The following PEPD variants were observed in gnomAD, a reference collection of about 807,000 sequenced individuals.
The protein encoded by PEPD is peptidase D, also known as xaa-Pro dipeptidase.
A neutral mutation model predicts 60.7 loss-of-function variants in PEPD; 53 were observed. That is an observed-to-expected ratio of 0.87 (90% CI 0.70 to 1.10). The LOEUF is 1.10. PEPD is among the 50% of genes least tolerant of loss of function. The probability of loss-of-function intolerance (pLI) is 0.00; values close to 1 mark genes in which losing one functional copy is unlikely to be tolerated. For missense variants in PEPD, 711 were observed against 711.9 expected (o/e 1.00, Z 0.01); for synonymous variants, 267 against 284.1 (o/e 0.94, Z 0.60).
At chr19:33,458,863 CGTGTGTGTCAT>C (rs962094892) in intron 9 of PEPD, among the ~76,000 whole-genome samples, 4 of 24,820 alleles carry the variant, frequency 1.6e-4, no homozygotes, top group African/African-American at 3.2e-4. Flanking sequence ...TATGGTGTGG[CGTGTGTGTCAT>C]GTGTGTGGCA....
chr19:33,423,937 T>C (rs1435283691), intron 9 of PEPD, among the ~76,000 whole-genome samples: 4 of 152,250 alleles, frequency 2.6e-5, no homozygotes, highest in African/African-American at 9.6e-5. Context: ...ACTTAATCAA[T>C]GAACCTAGAA....
chr19:33,431,907 C>G (rs1322188715), intron 9 of PEPD, among the ~76,000 whole-genome samples: 1 of 147,632 alleles, frequency 6.8e-6, no homozygotes, highest in African/African-American at 2.5e-5. Flanking sequence ...GCAGGAGAAT[C>G]GCTTGAACCT....
intron 12 of PEPD, among the ~76,000 whole-genome samples, chr19:33,397,993 C>T (rs1482701079): frequency 6.6e-6 from 1 of 152,194 alleles, no homozygotes; most frequent in Non-Finnish European, 1.5e-5. Flanking sequence ...CAGGTCCTGC[C>T]CAGGCCGCAG....
chr19:33,510,998 C>T (rs1434876019), intron 3 of PEPD, 30 bp downstream of exon 3: 1 of 1,606,844 alleles, frequency 6.2e-7, no homozygotes, highest in South Asian at 1.1e-5. Context: ...TGGTTGGTAG[C>T]CATGGTGCCC....
intron 3 of PEPD, among the ~76,000 whole-genome samples, chr19:33,503,270 TA>T (rs1163368185): frequency 2.0e-5 from 3 of 152,232 alleles, no homozygotes; most frequent in Non-Finnish European, 1.5e-5. Flanking sequence ...GGTCTCACCG[TA>T]ATCAATGGAC....
At chr19:33,471,967 G>C (rs1289979107) in intron 7 of PEPD, among the ~76,000 whole-genome samples, 1 of 152,132 alleles carries the variant, frequency 6.6e-6, no homozygotes, top group Non-Finnish European at 1.5e-5. Flanking sequence ...TTCAAGACCA[G>C]CCTGACCAAC....
chr19:33,470,260 G>A (rs1970098502), intron 7 of PEPD, among the ~76,000 whole-genome samples: 1 of 152,080 alleles, frequency 6.6e-6, no homozygotes, highest in South Asian at 2.1e-4. Context: ...TAGCAGCTGG[G>A]GATCTTTAGG....
chr19:33,506,960 C>T (rs1246205961), intron 3 of PEPD, among the ~76,000 whole-genome samples: 1 of 150,620 alleles, frequency 6.6e-6, no homozygotes, highest in Non-Finnish European at 1.5e-5. Context: ...TCACACACCC[C>T]CAACATATGT....
chr19:33,417,160 G>A (rs1212513165), intron 9 of PEPD, among the ~76,000 whole-genome samples: 1 of 152,266 alleles, frequency 6.6e-6, no homozygotes, highest in African/African-American at 2.4e-5. Context: ...TATGTGCCTC[G>A]AGCATGGGTG....
chr19:33,393,185 G>C (rs1296998321), intron 12 of PEPD, among the ~76,000 whole-genome samples: 1 of 151,430 alleles, frequency 6.6e-6, no homozygotes, highest in African/African-American at 2.4e-5. Flanking sequence ...TCTGGCGTGG[G>C]GGAGGCCGTC....
At position 33,520,554 on chromosome 19, in the gene PEPD, G is replaced by A. The variant is rs948980421; in HGVS notation, c.17+1190C>T. On this transcript the variant is annotated intron_variant, in intron 1 of 14. Transcript: ENST00000244137. ...GTCCATCTGTTCCAGTGGCCTGTGA[G>A]TACCTTAAGGGAAGACCCACTGCTA... Among the ~76,000 whole-genome samples, 8 of 152,332 alleles carry A rather than the reference G, an allele frequency of 5.3e-5. No individual in the cohort carries two copies. The East Asian group carries it at 1.4e-3, about 26-fold the overall frequency.
intron 6 of PEPD, among the ~76,000 whole-genome samples, chr19:33,486,105 G>T (rs537774358): frequency 6.6e-6 from 1 of 152,114 alleles, no homozygotes; most frequent in Non-Finnish European, 1.5e-5. Context: ...TACCTCCTTA[G>T]ATGTTTTCAG....
At chr19:33,462,507 G>A (rs1404841440) in intron 9 of PEPD, among the ~76,000 whole-genome samples, 5 of 152,350 alleles carry the variant, frequency 3.3e-5, no homozygotes, top group African/African-American at 1.2e-4. Flanking sequence ...GGCAGCCGCC[G>A]GAAGCTCCCC....
chr19:33,509,498 C>T (rs954886688), intron 3 of PEPD, among the ~76,000 whole-genome samples: 3 of 152,196 alleles, frequency 2.0e-5, no homozygotes, highest in Admixed American at 6.5e-5. Flanking sequence ...CCATGGCCAA[C>T]GAAGGCAGAA....
intron 6 of PEPD, chr19:33,486,867 TGGG>T (rs148998380): frequency 1.7e-3 from 267 of 152,784 alleles, no homozygotes; most frequent in Admixed American, 4.0e-3. Context: ...TAAGGGGAGC[TGGG>T]GGGGCCCATC....
chr19:33,433,681 C>T (rs1180411663), intron 9 of PEPD, among the ~76,000 whole-genome samples: 1 of 152,188 alleles, frequency 6.6e-6, no homozygotes, highest in Admixed American at 6.5e-5. Context: ...AGAGCCCAGG[C>T]GATACTTCCT....
intron 11 of PEPD, among the ~76,000 whole-genome samples, chr19:33,409,879 T>G (rs1254672426): frequency 6.6e-6 from 1 of 152,136 alleles, no homozygotes. Context: ...TGGGGTGAGG[T>G]GCCTACATCG....
At chr19:33,507,174 G>C (rs1338216682) in intron 3 of PEPD, among the ~76,000 whole-genome samples, 1 of 152,134 alleles carries the variant, frequency 6.6e-6, no homozygotes, top group East Asian at 1.9e-4. Context: ...CCCAGAGCCG[G>C]GGACGGAATG....
At chr19:33,494,888 A>G (rs1287407917) in intron 4 of PEPD, among the ~76,000 whole-genome samples, 1 of 152,170 alleles carries the variant, frequency 6.6e-6, no homozygotes, top group Non-Finnish European at 1.5e-5. Context: ...CATCTAATAC[A>G]CTTTGGGAGG....
Sources: allele counts gnomAD v4.1 joint callset (sites outside exome capture counted in the v4.1 genomes callset), GRCh38; gene constraint gnomAD v4.1.1; transcripts MANE v1.5; gene names NCBI Gene and HGNC (gene_info 2026-07-23, HGNC 2026-07-21).